Variants in ZNF384 observed in about 807,000 individuals in gnomAD.
ZNF384 encodes the protein zinc finger protein 384, also known as CAG repeat protein 1.
Under a neutral mutation model 65.0 loss-of-function variants are expected in ZNF384, and 20 were observed. The ratio of observed to expected loss-of-function variants is 0.31; its 90% CI spans 0.22 to 0.45. The LOEUF is 0.45. Among genes scored for constraint, ZNF384 ranks in the 20% least tolerant of loss-of-function variants. The pLI is 1.00. For synonymous variants in ZNF384, 310 were observed against 303.9 expected (o/e 1.02, Z -0.21); for missense variants, 549 against 769.4 (o/e 0.71, Z 3.39).
At chr12:6,686,315 G>A (rs988179427) in intron 2 of ZNF384, among the ~76,000 whole-genome samples, 3 of 152,070 alleles carry the variant, frequency 2.0e-5, no homozygotes, top group Non-Finnish European at 2.9e-5. Flanking sequence ...GTGTAATGGC[G>A]TGATCTCAGC....
At chr12:6,679,834 G>C (rs1955236594) in intron 2 of ZNF384, among the ~76,000 whole-genome samples, 1 of 152,134 alleles carries the variant, frequency 6.6e-6, no homozygotes, top group Admixed American at 6.5e-5. Flanking sequence ...CTGGCAAAAA[G>C]AAACTGAGCT....
chr12:6,672,569 A>C lies in ZNF384; in HGVS notation c.1005-37T>G. 2 of 1,600,836 alleles carry C rather than the reference A, an allele frequency of 1.2e-6. No individual in the cohort carries two copies. The highest frequency in any genetic ancestry group is 1.7e-6 in the Non-Finnish European group (2 of 1,170,988). ...GAGAGGAGGGAAGGGGGGAGGAGGA[A>C]GCAGTTCGACACCAGGGGCTCAGCT... On this transcript the variant is annotated intron_variant, in intron 8 of 11. Coordinates refer to ENST00000683879, the MANE Select transcript of ZNF384 (RefSeq NM_001385745.1). This position sits in a 1 kb window ranked among gnomAD's most constrained non-coding sequence, Gnocchi z 4.4.
chr12:6,671,381 A>G (rs1951441724), intron 9 of ZNF384: 1 of 154,326 alleles, frequency 6.5e-6, no homozygotes, highest in African/African-American at 2.4e-5. Flanking sequence ...ATGACAGGAA[A>G]TGCCTAGTTT....
intron 10 of ZNF384, among the ~76,000 whole-genome samples, chr12:6,669,498 CTT>C (rs575581443): frequency 4.2e-5 from 6 of 141,652 alleles, no homozygotes; most frequent in Admixed American, 7.1e-5. Context: ...GGTCAAAACT[CTT>C]TTTTTTTTTT....
At chr12:6,689,509 G>C (rs1959170916), upstream of ZNF384, 1 of 152,392 alleles carries the variant, frequency 6.6e-6, no homozygotes, top group Admixed American at 6.5e-5. Context: ...GAGGGAAATA[G>C]CAATGTAGGG....
chr12:6,676,531 T>C (rs1953652946), intron 7 of ZNF384, among the ~76,000 whole-genome samples: 1 of 152,206 alleles, frequency 6.6e-6, no homozygotes, highest in Non-Finnish European at 1.5e-5. Context: ...AGTCCAGAGA[T>C]AGCTTTAATG....
chr12:6,677,281 C>T (rs1442213060), intron 6 of ZNF384, 22 bp from the exon 7 acceptor site: 2 of 1,307,154 alleles, frequency 1.5e-6, no homozygotes, highest in Non-Finnish European at 2.0e-6. Context: ...ACAACATTGC[C>T]CATCTGGGTA....
chr12:6,673,061 A>C lies in ZNF384; in HGVS notation c.1004+155T>G. On this transcript the variant is annotated intron_variant, in intron 8 of 11. Coordinates refer to ENST00000683879, the MANE Select transcript of ZNF384 (RefSeq NM_001385745.1). The surrounding 1 kb of genome is among the most constrained non-coding windows in gnomAD (Gnocchi z 4.7). ...TTTCAAGGCCCCCCAAATAGCTAGGATATATAATTTCCACAGACAGTAATA... is the reference window on the plus strand; with the variant it reads ...TTTCAAGGCCCCCCAAATAGCTAGGCTATATAATTTCCACAGACAGTAATA... The C allele has an allele frequency of 1.4e-6, 1 of 711,188 alleles. No homozygotes were observed. Among genetic ancestry groups the C allele is most frequent in the Non-Finnish European group, 2.3e-6 (1 of 427,646 alleles). The allele number at this position is 711,188 out of a possible 1,614,324, so 44.1% of individuals were successfully genotyped here. A position where few individuals can be genotyped will look rare whatever the true frequency, so the allele number is the denominator to read the frequency against.
intron 2 of ZNF384, among the ~76,000 whole-genome samples, chr12:6,683,661 C>CA (rs550687196): frequency 0.082 from 5,452 of 66,104 alleles, 215 homozygotes; most frequent in African/African-American, 0.11. Flanking sequence ...GACCCTGTCT[C>CA]AAAAAAAAAA....
intron 2 of ZNF384, among the ~76,000 whole-genome samples, chr12:6,684,355 C>CTATGT (rs25555): frequency 0.16 from 24,928 of 151,960 alleles, 4,936 homozygotes; most frequent in African/African-American, 0.48. Context: ...CAGGAATGAA[C>CTATGT]TATTTTCCAG....
intron 2 of ZNF384, among the ~76,000 whole-genome samples, chr12:6,681,973 T>C (rs1228752675): frequency 2.0e-5 from 3 of 152,054 alleles, no homozygotes; most frequent in Non-Finnish European, 2.9e-5. Context: ...GGTACTAACT[T>C]GGTCCTTCCA....
intron 2 of ZNF384, among the ~76,000 whole-genome samples, chr12:6,684,923 G>C (rs1957352381): frequency 6.6e-6 from 1 of 152,070 alleles, no homozygotes; most frequent in African/African-American, 2.4e-5. Flanking sequence ...TCTATCTTTC[G>C]TGGAGGAAAT....
rs1179543601 is a variant in ZNF384, at chr12:6,678,932, G to A, written c.304+14C>T. ...GATCAACACCTCAGATTGGAGAAGAGCAGAGTTGCTCACCAGCAGTCATCA... is the reference window on the plus strand; with the variant it reads ...GATCAACACCTCAGATTGGAGAAGAACAGAGTTGCTCACCAGCAGTCATCA... On this transcript the variant is annotated intron_variant, in intron 4 of 11. Transcript: ENST00000683879. The surrounding 1 kb of genome is among the most constrained non-coding windows in gnomAD (Gnocchi z 4.9). 6.2e-7 allele frequency: 1 copy of A among 1,610,800 alleles called. No homozygotes were observed. The highest frequency in any genetic ancestry group is 8.5e-7 in the Non-Finnish European group (1 of 1,177,422).
At chr12:6,688,964 A>G (rs1420763359) in intron 1 of ZNF384, 134 bp downstream of exon 1, 1 of 151,042 alleles carries the variant, frequency 6.6e-6, no homozygotes, top group African/African-American at 2.4e-5. Context: ...CTCCTCCACA[A>G]CCACTTCCGG....
At chr12:6,675,987 CAG>C (rs1953386518) in intron 7 of ZNF384, among the ~76,000 whole-genome samples, 1 of 152,120 alleles carries the variant, frequency 6.6e-6, no homozygotes, top group African/African-American at 2.4e-5. Context: ...TGCATCAAAA[CAG>C]AAATTCACTG....
rs1412190701 is a variant in ZNF384 at position 6,666,726 on chromosome 12, C to G, written c.*988G>C. ...AAAAGGACAAAAATAAACAAAACAT[C>G]AAATATGAAAATTCTCAGAGATAAT... On this transcript the variant is annotated 3_prime_UTR_variant, in exon 12 of 12. Coordinates refer to ENST00000683879, the MANE Select transcript of ZNF384 (RefSeq NM_001385745.1). 1.2e-5 allele frequency: 2 copies of G among 168,766 alleles called. No homozygotes were observed. Among genetic ancestry groups the G allele is most frequent in the African/African-American group, 4.9e-5 (2 of 41,236 alleles). The allele number at this position is 168,766 out of a possible 1,614,324, so 10.5% of individuals were successfully genotyped here. A position where few individuals can be genotyped will look rare whatever the true frequency, so the allele number is the denominator to read the frequency against.
intron 3 of ZNF384, 49 bp downstream of exon 3, chr12:6,679,406 A>G: frequency 6.5e-7 from 1 of 1,536,242 alleles, no homozygotes; most frequent in South Asian, 1.1e-5. Flanking sequence ...CCATAGTAAC[A>G]GAACTTACTA....
chr12:6,679,026 T>C lies in ZNF384; in HGVS notation c.224A>G (p.Gln75Arg). The C allele has an allele frequency of 1.9e-6, 3 of 1,613,838 alleles. No individual in the cohort carries two copies. The highest frequency in any genetic ancestry group is 1.1e-5 in the South Asian group (1 of 91,048). Residue 75 changes from glutamine to arginine, a missense_variant, in exon 4 of 12, where the codon CAG becomes CGG. Coordinates refer to ENST00000683879, the MANE Select transcript of ZNF384 (RefSeq NM_001385745.1). ...ISMDTESKSD[Q>R]LTPHSQASVT... Reference sequence around the variant, plus strand: ...GGACGCTTGGCTGTGTGGGGTCAGCTGGTCTGACTTGGACTCTGTGTCCAT... The same window carrying C: ...GGACGCTTGGCTGTGTGGGGTCAGCCGGTCTGACTTGGACTCTGTGTCCAT...
Position 6,678,239 on chromosome 12 carries a change from G to C in ZNF384, c.574C>G (p.Arg192Gly). The C allele has an allele frequency of 6.2e-7, 1 of 1,614,100 alleles. No individual in the cohort carries two copies. The change falls in exon 6 of 12, where the codon CGG becomes GGG. Residue 192 changes from arginine (R) to glycine (G), a missense_variant. By Grantham distance (125) the Arg-to-Gly change is moderately radical (BLOSUM62 -2). Transcript: ENST00000683879. This position sits in a 1 kb window ranked among gnomAD's most constrained non-coding sequence, Gnocchi z 4.9. ...GGGSVAPKPP[R>G]GRKKKRMLES... ...AGCATCCGCTTCTTCTTCCGGCCCC[G>C]GGGTGGCTTAGGAGCCACACTGCCA...
Sources: allele counts gnomAD v4.1 joint callset (sites outside exome capture counted in the v4.1 genomes callset), GRCh38; gene constraint gnomAD v4.1.1; non-coding constraint Gnocchi (gnomAD v3.1); transcripts MANE v1.5; gene names NCBI Gene and HGNC (gene_info 2026-07-23, HGNC 2026-07-21).